CNTN4: variants seen among roughly 807,000 people sequenced by gnomAD.
CNTN4 encodes the protein contactin 4.
Under a neutral mutation model 122.5 loss-of-function variants are expected in CNTN4, and 77 were observed. The ratio of observed to expected loss-of-function variants is 0.63; its 90% CI spans 0.52 to 0.76. The LOEUF is 0.76. CNTN4 is among the 30% of genes least tolerant of loss of function. The pLI is 0.00. For missense variants in CNTN4, 1,256 were observed against 1,259.1 expected (o/e 1.00, Z 0.04); for synonymous variants, 512 against 447.0 (o/e 1.15, Z -1.83).
chr3:2,753,713 A>G (rs937757022), intron 6 of CNTN4, among the ~76,000 whole-genome samples: 2 of 152,316 alleles, frequency 1.3e-5, no homozygotes, highest in Middle Eastern at 6.8e-3. Flanking sequence ...TTTCCTTTGT[A>G]CACAAACTTG....
At chr3:2,369,948 A>AT (rs2045570981) in intron 3 of CNTN4, among the ~76,000 whole-genome samples, 1 of 151,966 alleles carries the variant, frequency 6.6e-6, no homozygotes. Context: ...TTGATACACA[A>AT]TTGTCCATAT....
chr3:2,367,042 T>C (rs2045407485), intron 3 of CNTN4, among the ~76,000 whole-genome samples: 1 of 152,124 alleles, frequency 6.6e-6, no homozygotes, highest in Admixed American at 6.6e-5. Flanking sequence ...TCTCCCTATA[T>C]TGAACCTTCA....
chr3:2,802,693 A>G (rs1466107732), intron 6 of CNTN4, among the ~76,000 whole-genome samples: 1 of 152,214 alleles, frequency 6.6e-6, no homozygotes, highest in Non-Finnish European at 1.5e-5. Context: ...CCTACGGTTT[A>G]GCAGTCACTA....
chr3:2,976,483 G>C (rs1693424468), intron 13 of CNTN4, among the ~76,000 whole-genome samples: 1 of 151,966 alleles, frequency 6.6e-6, no homozygotes, highest in Non-Finnish European at 1.5e-5. Flanking sequence ...TTGTCACCAG[G>C]GTGTCTGTTC....
At chr3:2,650,485 G>A (rs983333515) in intron 4 of CNTN4, among the ~76,000 whole-genome samples, 2 of 152,168 alleles carry the variant, frequency 1.3e-5, no homozygotes, top group African/African-American at 4.8e-5. Context: ...GAGAGGATTG[G>A]CTTCAGTTTG....
chr3:2,659,480 AAAGAAG>A (rs781000822), intron 4 of CNTN4, among the ~76,000 whole-genome samples: 86 of 132,588 alleles, frequency 6.5e-4, no homozygotes, highest in African/African-American at 1.7e-3. Flanking sequence ...AAAAAAAAAA[AAAGAAG>A]AAGAAGAAGA....
chr3:2,182,728 A>C (rs750361123), intron 2 of CNTN4, among the ~76,000 whole-genome samples: 1 of 152,126 alleles, frequency 6.6e-6, no homozygotes, highest in Non-Finnish European at 1.5e-5. Flanking sequence ...ATTGGTATTA[A>C]ATAATATTGA....
chr3:2,402,143 A>G (rs776467752), intron 3 of CNTN4, among the ~76,000 whole-genome samples: 15 of 152,240 alleles, frequency 9.9e-5, no homozygotes, highest in Admixed American at 2.0e-4. Context: ...TAGGACAGCT[A>G]TCCTCTTCCT....
intron 4 of CNTN4, among the ~76,000 whole-genome samples, chr3:2,595,475 G>C (rs1325851533): frequency 6.6e-6 from 1 of 152,144 alleles, no homozygotes; most frequent in Non-Finnish European, 1.5e-5. Flanking sequence ...CCCACCTAAA[G>C]GTGTGGCAGG....
intron 6 of CNTN4, among the ~76,000 whole-genome samples, chr3:2,812,552 T>A (rs1423624514): frequency 6.7e-6 from 1 of 148,892 alleles, no homozygotes; most frequent in Non-Finnish European, 1.5e-5. Flanking sequence ...TTATCAGGTT[T>A]GTTTTTTTTG....
intron 12 of CNTN4, among the ~76,000 whole-genome samples, chr3:2,922,810 C>G (rs112981597): frequency 1.3e-5 from 2 of 152,002 alleles, no homozygotes; most frequent in African/African-American, 4.8e-5. Context: ...GGGGTTTTGC[C>G]ATGTTGGCCA....
chr3:2,223,636 T>G (rs977175946), intron 2 of CNTN4, among the ~76,000 whole-genome samples: 9 of 152,186 alleles, frequency 5.9e-5, no homozygotes, highest in Non-Finnish European at 1.5e-5. Context: ...TTGGCTGGCA[T>G]CTGGGATCGT....
At position 2,143,748 on chromosome 3, in the gene CNTN4, G is replaced by C. The variant is rs2035117233; in HGVS notation, c.-145+43109G>C. On this transcript the variant is annotated intron_variant, in intron 2 of 24. Transcript: ENST00000418658. ...GAGTTTAGAGTTAAATGATTGCCCA[G>C]GATTATGTTGTTACAAGTGCAGAAT... Among the ~76,000 whole-genome samples, 3 of 152,266 alleles carry C rather than the reference G, an allele frequency of 2.0e-5. No individual in the cohort carries two copies. In the South Asian group the frequency reaches 6.2e-4, roughly 32 times the overall value.
chr3:2,181,279 C>A (rs1175332387), intron 2 of CNTN4, among the ~76,000 whole-genome samples: 1 of 151,958 alleles, frequency 6.6e-6, no homozygotes, highest in Non-Finnish European at 1.5e-5. Flanking sequence ...TTTTTAGAAG[C>A]CCCCAAATGT....
chr3:2,304,924 T>C (rs1200214271), intron 2 of CNTN4, among the ~76,000 whole-genome samples: 2 of 151,840 alleles, frequency 1.3e-5, no homozygotes, highest in Non-Finnish European at 2.9e-5. Context: ...GGGGAAATTA[T>C]GCAGTTATTT....
At chr3:3,009,133 C>G (rs1696932223) in intron 14 of CNTN4, 1 of 576,928 alleles carries the variant, frequency 1.7e-6, no homozygotes. Context: ...GAGTAGGGGC[C>G]AATGTTAGAC....
intron 7 of CNTN4, among the ~76,000 whole-genome samples, chr3:2,856,455 G>A (rs996283212): frequency 1.3e-5 from 2 of 152,148 alleles, no homozygotes; most frequent in Admixed American, 1.3e-4. Context: ...CTTGTCAGAG[G>A]GACTGAAAAG....
chr3:2,758,907 G>A lies in CNTN4; in HGVS notation c.358+13210G>A, dbSNP rs546556834. The stretch of plus-strand genomic sequence containing the variant: ...ATTCAGTGATGTTTAGTTTATTCAC[G>A]AAGTTGTACAACTGTCACCACTGTC... On this transcript the variant is annotated intron_variant, in intron 6 of 24. Coordinates refer to ENST00000418658, the MANE Select transcript of CNTN4 (RefSeq NM_175607.3). 2.1e-4 allele frequency among the ~76,000 whole-genome samples: 32 copies of A among 151,984 alleles called. No homozygotes were observed. The South Asian group carries it at 2.3e-3, about 11-fold the overall frequency.
intron 4 of CNTN4, among the ~76,000 whole-genome samples, chr3:2,598,931 T>A (rs1234986683): frequency 1.3e-5 from 2 of 152,180 alleles, no homozygotes; most frequent in African/African-American, 4.8e-5. Flanking sequence ...TGGGAGAAGA[T>A]TGTTATTTTT....
Sources: allele counts gnomAD v4.1 joint callset (sites outside exome capture counted in the v4.1 genomes callset), GRCh38; gene constraint gnomAD v4.1.1; transcripts MANE v1.5; gene names NCBI Gene and HGNC (gene_info 2026-07-23, HGNC 2026-07-21).